Variants in OPCML observed in about 807,000 individuals in gnomAD.
OPCML encodes opioid-binding protein/cell adhesion molecule.
A neutral mutation model predicts 37.8 loss-of-function variants in OPCML; 13 were observed. That is an observed-to-expected ratio of 0.34 (90% CI 0.22 to 0.55). OPCML has a LOEUF of 0.55. OPCML is among the 20% of genes least tolerant of loss of function. The pLI is 0.91. For missense variants in OPCML, 341 were observed against 435.6 expected (o/e 0.78, Z 1.93); for synonymous variants, 176 against 168.8 (o/e 1.04, Z -0.33).
chr11:133,445,421 C>A (rs1946454678), intron 1 of OPCML, among the ~76,000 whole-genome samples: 2 of 152,176 alleles, frequency 1.3e-5, no homozygotes, highest in South Asian at 4.1e-4. Flanking sequence ...AATCCCAGAC[C>A]AATTTTCTCT....
chr11:133,040,752 C>G (rs564838998), intron 1 of OPCML, among the ~76,000 whole-genome samples: 1 of 152,234 alleles, frequency 6.6e-6, no homozygotes, highest in African/African-American at 2.4e-5. Context: ...GACTGCGTCT[C>G]TCTGTGGGAG....
chr11:133,421,280 C>T (rs1356693243), intron 1 of OPCML: 12 of 985,200 alleles, frequency 1.2e-5, no homozygotes, highest in Non-Finnish European at 1.3e-5. Context: ...AGTGGAAAGG[C>T]ATCATTTGTA....
At chr11:132,609,181 A>AG (rs1443616317) in intron 3 of OPCML, among the ~76,000 whole-genome samples, 2 of 152,148 alleles carry the variant, frequency 1.3e-5, no homozygotes, top group Non-Finnish European at 2.9e-5. Flanking sequence ...ATGCAAGGGC[A>AG]GGGGGTCTCA....
At chr11:132,874,745 C>T (rs980433967) in intron 2 of OPCML, among the ~76,000 whole-genome samples, 18 of 152,214 alleles carry the variant, frequency 1.2e-4, no homozygotes, top group South Asian at 6.2e-4. Flanking sequence ...GCGGACTGCA[C>T]GGACGGTCTG....
At chr11:133,439,202 C>T in intron 1 of OPCML, 7 of 832,476 alleles carry the variant, frequency 8.4e-6, no homozygotes, top group Non-Finnish European at 1.0e-5. Context: ...GGACTGAGCC[C>T]TTAACCTGCA....
At chr11:132,962,666 G>A (rs1311162146) in intron 1 of OPCML, among the ~76,000 whole-genome samples, 6 of 152,160 alleles carry the variant, frequency 3.9e-5, no homozygotes, top group African/African-American at 7.2e-5. Context: ...GTTTCCCACC[G>A]ACCCCAGCCT....
chr11:132,527,232 T>C (rs2137280901), intron 4 of OPCML, among the ~76,000 whole-genome samples: 1 of 152,336 alleles, frequency 6.6e-6, no homozygotes, highest in East Asian at 1.9e-4. Context: ...CTTTCATTTA[T>C]CTTGAATAAA....
chr11:132,973,909 G>A (rs974998039), intron 1 of OPCML, among the ~76,000 whole-genome samples: 1 of 151,948 alleles, frequency 6.6e-6, no homozygotes, highest in Non-Finnish European at 1.5e-5. Context: ...AGAAAGCACG[G>A]AGTGGATCTG....
At chr11:133,449,831 T>C (rs1946545326) in intron 1 of OPCML, among the ~76,000 whole-genome samples, 1 of 150,022 alleles carries the variant, frequency 6.7e-6, no homozygotes, top group Non-Finnish European at 1.5e-5. Context: ...CAGGTAAACA[T>C]GCATTTTGTC....
At chr11:132,748,861 A>G (rs1276258874) in intron 2 of OPCML, among the ~76,000 whole-genome samples, 2 of 152,236 alleles carry the variant, frequency 1.3e-5, no homozygotes, top group Admixed American at 1.3e-4. Flanking sequence ...GAACTTCCAC[A>G]GGGCGGCTGA....
intron 1 of OPCML, among the ~76,000 whole-genome samples, chr11:133,388,417 G>C (rs182943108): frequency 1.3e-5 from 2 of 152,240 alleles, no homozygotes; most frequent in Admixed American, 1.3e-4. Flanking sequence ...GATGTGTCAG[G>C]GGAAGGAGGG....
At chr11:133,259,807 C>T (rs1941432489) in intron 1 of OPCML, among the ~76,000 whole-genome samples, 1 of 152,124 alleles carries the variant, frequency 6.6e-6, no homozygotes, top group Admixed American at 6.5e-5. Flanking sequence ...GCTCTATGCC[C>T]TGGGAACATT....
At position 132,595,986 on chromosome 11, in the gene OPCML, A is replaced by C. The variant is rs955570625; in HGVS notation, c.379+61101T>G. Among the ~76,000 whole-genome samples the C allele has an allele frequency of 1.3e-4, 20 of 152,288 alleles. 1 individual carries two copies. The highest frequency in any genetic ancestry group is 4.8e-4 in the African/African-American group (20 of 41,558). On this transcript the variant is annotated intron_variant, in intron 3 of 7. Coordinates refer to ENST00000524381, the MANE Select transcript of OPCML (RefSeq NM_001012393.5). ...TACAATTTCAATGAGTAAGTGATAC[A>C]TTGTTTTAGTTAAAAGAAGTAGCTT...
intron 4 of OPCML, among the ~76,000 whole-genome samples, chr11:132,524,198 G>A (rs2096301985): frequency 6.6e-6 from 1 of 152,196 alleles, no homozygotes; most frequent in South Asian, 2.1e-4. Context: ...GAGCCTGCCA[G>A]TTTATGCTGG....
chr11:133,370,137 A>C (rs1031707853), intron 1 of OPCML, among the ~76,000 whole-genome samples: 5 of 152,196 alleles, frequency 3.3e-5, no homozygotes, highest in Non-Finnish European at 7.3e-5. Context: ...AATGCTCAAT[A>C]AGCTTGGATT....
At chr11:132,658,821 C>T (rs1024012264) in intron 2 of OPCML, among the ~76,000 whole-genome samples, 1 of 152,220 alleles carries the variant, frequency 6.6e-6, no homozygotes, top group Non-Finnish European at 1.5e-5. Flanking sequence ...TGGTGATTTG[C>T]TAGCAACTTG....
intron 1 of OPCML, among the ~76,000 whole-genome samples, chr11:133,312,349 C>T (rs1020464052): frequency 1.1e-4 from 16 of 152,288 alleles, no homozygotes; most frequent in South Asian, 4.2e-4. Context: ...AACAAAACAC[C>T]GCATTGTGAG....
chr11:132,793,104 C>T (rs1938045223), intron 2 of OPCML, among the ~76,000 whole-genome samples: 1 of 152,156 alleles, frequency 6.6e-6, no homozygotes, highest in Non-Finnish European at 1.5e-5. Context: ...CCCCACTCCT[C>T]CTAGACAGAT....
chr11:133,106,149 C>T (rs1949154289), intron 1 of OPCML, among the ~76,000 whole-genome samples: 1 of 152,154 alleles, frequency 6.6e-6, no homozygotes, highest in Non-Finnish European at 1.5e-5. Context: ...AACAGTTGCT[C>T]CAATTGCTCA....
Sources: gnomAD v4.1 joint callset for allele counts (sites outside exome capture counted in the v4.1 genomes callset) on GRCh38, gnomAD v4.1.1 for gene constraint, MANE v1.5 for transcripts, NCBI Gene and HGNC (gene_info 2026-07-23, HGNC 2026-07-21) for gene names.